The following FBXO46 variants were observed in gnomAD, a reference collection of about 807,000 sequenced individuals.
The protein encoded by FBXO46 is F-box only protein 46.
Under a neutral mutation model 30.7 loss-of-function variants are expected in FBXO46, and 13 were observed. The ratio of observed to expected loss-of-function variants is 0.42; its 90% CI spans 0.28 to 0.67. FBXO46 has a LOEUF of 0.67. Among genes scored for constraint, FBXO46 ranks in the 30% least tolerant of loss-of-function variants. The pLI is 0.21. For synonymous variants in FBXO46, 467 were observed against 385.8 expected, an observed-to-expected ratio of 1.21 and a Z score of -2.47; for missense variants, 754 against 871.5, an observed-to-expected ratio of 0.87 and a Z score of 1.70.
intron 1 of FBXO46, among the ~76,000 whole-genome samples, chr19:45,728,068 C>G (rs1446107428): frequency 1.3e-5 from 2 of 152,180 alleles, no homozygotes; most frequent in Non-Finnish European, 2.9e-5. Flanking sequence ...TCCTGAGTAG[C>G]TGGGACTACA....
chr19:45,712,292 G>T lies in FBXO46; in HGVS notation c.1204C>A (p.Pro402Thr). The T allele has an allele frequency of 6.2e-7, 1 of 1,602,602 alleles. No homozygotes were observed. The highest frequency in any genetic ancestry group is 8.5e-7 in the Non-Finnish European group (1 of 1,179,568). Residue 402 changes from proline (P) to threonine (T), a missense_variant, in exon 2 of 2, where the codon CCG becomes ACG. Physicochemically the swap from Pro to Thr is conservative, Grantham distance 38. Around this residue, in one of 5 missense-constraint regions of FBXO46, gnomAD observed 454 missense variants for 426.5 expected, o/e 1.06. Coordinates refer to ENST00000317683, the MANE Select transcript of FBXO46 (RefSeq NM_001080469.2). The surrounding 1 kb of genome is among the most constrained non-coding windows in gnomAD (Gnocchi z 8.8). ...TVCLTVSPEE[P>T]PPPGQLFFLQ... ...AAGAAGAGCTGGCCCGGAGGCGGCG[G>T]TTCCTCCGGGCTGACCGTCAGGCAC...
intron 1 of FBXO46, among the ~76,000 whole-genome samples, chr19:45,726,331 G>A (rs1388728902): frequency 6.6e-6 from 1 of 151,866 alleles, no homozygotes; most frequent in Non-Finnish European, 1.5e-5. Context: ...AGGAGACAGA[G>A]CAAGACTCCA....
upstream of FBXO46, among the ~76,000 whole-genome samples, chr19:45,733,018 G>A (rs1968347690): frequency 6.6e-6 from 1 of 152,084 alleles, no homozygotes; most frequent in Non-Finnish European, 1.5e-5. This position sits in a 1 kb window ranked among gnomAD's most constrained non-coding sequence, Gnocchi z 5.7. Context: ...ATCTAGCCTG[G>A]TGCTTGGCAC....
At chr19:45,723,894 A>G (rs941587050) in intron 1 of FBXO46, among the ~76,000 whole-genome samples, 6 of 152,064 alleles carry the variant, frequency 3.9e-5, no homozygotes, top group African/African-American at 9.7e-5. Context: ...TCCTGATCTC[A>G]GGAGTTCAAG....
chr19:45,721,330 C>T lies in FBXO46; in HGVS notation c.-78-7757G>A, dbSNP rs117512463. Among the ~76,000 whole-genome samples, 963 of 151,972 alleles carry T rather than the reference C, an allele frequency of 6.3e-3. 5 individuals are homozygous for T. The highest frequency in any genetic ancestry group is 0.024 in the South Asian group (115 of 4,816). On this transcript the variant is annotated intron_variant, in intron 1 of 1. Transcript: ENST00000317683. ...CTGCACTCCAGCCTGGGTGCCAAAG[C>T]GAGACCCTGGCTCAAAAACACCAAA...
At chr19:45,721,955 C>G (rs1968178483) in intron 1 of FBXO46, among the ~76,000 whole-genome samples, 1 of 152,098 alleles carries the variant, frequency 6.6e-6, no homozygotes, top group African/African-American at 2.4e-5. Flanking sequence ...TCCTGAGTAG[C>G]TGGGATTATA....
Position 45,712,989 on chromosome 19 carries a change from C to G in FBXO46, c.507G>C (p.Leu169=). 6.4e-7 allele frequency: 1 copy of G among 1,573,174 alleles called. No individual in the cohort carries two copies. The highest frequency in any genetic ancestry group is 1.7e-4 in the Middle Eastern group (1 of 5,744). ...GGGCCACCATCTCGGCCACAGAGAG[C>G]AGGTCCACGTCCTCACCGGCTGAGG... is the stretch of plus-strand genomic sequence containing the variant. ...GPASAGEDVD[L]LSVAEMVALV... The change falls in exon 2 of 2, where the codon CTG becomes CTC. Residue 169 remains leucine (L), a synonymous_variant. Transcript: ENST00000317683. This position sits in a 1 kb window ranked among gnomAD's most constrained non-coding sequence, Gnocchi z 8.8.
chr19:45,732,999 G>A (rs538658888), upstream of FBXO46, among the ~76,000 whole-genome samples: 2 of 152,256 alleles, frequency 1.3e-5, no homozygotes, highest in African/African-American at 4.8e-5. Flanking sequence ...CAGTGGCTAA[G>A]TTCCCACCAT....
In FBXO46 at chr19:45,712,203, C is replaced by A. The variant is rs963848925; in HGVS notation, c.1293G>T (p.Ala431=). 7.5e-6 allele frequency: 12 copies of A among 1,604,526 alleles called. No homozygotes were observed. Among genetic ancestry groups the A allele is most frequent in the Middle Eastern group, 1.7e-4 (1 of 6,048 alleles). The change falls in exon 2 of 2, where the codon GCG becomes GCT. Residue 431 remains alanine (A), a synonymous_variant. Transcript: ENST00000317683. The surrounding 1 kb of genome is among the most constrained non-coding windows in gnomAD (Gnocchi z 8.8). ...EPPPADSPAT[A]PGPDDAEGTA... ...TGCCCTCGGCATCGTCTGGGCCGGGCGCAGTGGCCGGGGAGTCGGCCGGGG... is the reference window on the plus strand; with the variant it reads ...TGCCCTCGGCATCGTCTGGGCCGGGAGCAGTGGCCGGGGAGTCGGCCGGGG...
rs1351007643 is a variant in FBXO46, at chr19:45,711,485, G to T, written c.*199C>A. 2 of 700,834 alleles carry T rather than the reference G, an allele frequency of 2.9e-6. No individual in the cohort carries two copies. Among genetic ancestry groups the T allele is most frequent in the Admixed American group, 2.0e-5 (1 of 49,904 alleles). 43.4% of individuals were successfully genotyped at this position (700,834 alleles called of 1,614,324 possible). A position where few individuals can be genotyped will look rare whatever the true frequency, so the allele number is the denominator to read the frequency against. Reference sequence around the variant, plus strand: ...CCTTCTCAGAGGGTCCACGGCCCTGGTTCTGAAGAGTAGAAAATCAACAGG... The same window carrying T: ...CCTTCTCAGAGGGTCCACGGCCCTGTTTCTGAAGAGTAGAAAATCAACAGG... On this transcript the variant is annotated 3_prime_UTR_variant, in exon 2 of 2. Transcript: ENST00000317683.
chr19:45,727,420 T>C (rs1968254267), intron 1 of FBXO46, among the ~76,000 whole-genome samples: 1 of 151,864 alleles, frequency 6.6e-6, no homozygotes, highest in African/African-American at 2.4e-5. Flanking sequence ...TAGCTGGGCG[T>C]GGTGACACAA....
chr19:45,711,103 T>C lies in FBXO46; in HGVS notation c.*581A>G, dbSNP rs1006870169. 2.7e-4 allele frequency: 96 copies of C among 356,458 alleles called. No individual in the cohort carries two copies. Among genetic ancestry groups the C allele is most frequent in the African/African-American group, 2.1e-3 (93 of 45,110 alleles). The allele number at this position is 356,458 out of a possible 1,614,324, so 22.1% of individuals were successfully genotyped here. A position where few individuals can be genotyped will look rare whatever the true frequency, so the allele number is the denominator to read the frequency against. ...TTGAGGTTAAGGAGAAAACAGTATT[T>C]CCCCCCCACTTCTTTAATAGGCAAA... On this transcript the variant is annotated 3_prime_UTR_variant, in exon 2 of 2. Transcript: ENST00000317683.
upstream of FBXO46, among the ~76,000 whole-genome samples, chr19:45,731,713 T>C (rs780736970): frequency 7.4e-4 from 113 of 152,020 alleles, no homozygotes; most frequent in Middle Eastern, 3.2e-3. Context: ...CATCATAGAA[T>C]AGCAGCTCCA....
At chr19:45,717,294 C>G (rs1405587151) in intron 1 of FBXO46, 1 of 152,206 alleles carries the variant, frequency 6.6e-6, no homozygotes, top group Non-Finnish European at 1.5e-5. Context: ...CGGGAGAAGG[C>G]TGCAGCCCAC....
chr19:45,725,593 G>C (rs949503101), intron 1 of FBXO46, among the ~76,000 whole-genome samples: 7 of 151,916 alleles, frequency 4.6e-5, no homozygotes, highest in African/African-American at 1.7e-4. Flanking sequence ...AATTAGCCGG[G>C]CATGGTGGTG....
At chr19:45,721,550 T>G (rs971702832) in intron 1 of FBXO46, among the ~76,000 whole-genome samples, 2 of 128,106 alleles carry the variant, frequency 1.6e-5, no homozygotes, top group Admixed American at 1.6e-4. Flanking sequence ...CCTGGTCCTG[T>G]TCCTTTTTTT....
intron 1 of FBXO46, among the ~76,000 whole-genome samples, chr19:45,724,521 T>C (rs909647302): frequency 5.3e-5 from 8 of 152,116 alleles, no homozygotes; most frequent in African/African-American, 1.7e-4. Flanking sequence ...CTATTAACAC[T>C]TGTGGGCTGG....
At chr19:45,726,948 C>T (rs138610901) in intron 1 of FBXO46, among the ~76,000 whole-genome samples, 6 of 152,076 alleles carry the variant, frequency 3.9e-5, no homozygotes, top group African/African-American at 1.2e-4. Flanking sequence ...TAAATGTGGT[C>T]CCATTTTTAC....
upstream of FBXO46, among the ~76,000 whole-genome samples, chr19:45,732,341 A>C (rs1188818001): frequency 6.6e-6 from 1 of 151,948 alleles, no homozygotes; most frequent in Non-Finnish European, 1.5e-5. Flanking sequence ...ACAGCCAAGA[A>C]AACGATTTGA....
Sources: allele counts gnomAD v4.1 joint callset (sites outside exome capture counted in the v4.1 genomes callset), GRCh38; gene constraint gnomAD v4.1.1; regional missense constraint gnomAD v4.1.1; non-coding constraint Gnocchi (gnomAD v3.1); transcripts MANE v1.5; gene names NCBI Gene and HGNC (gene_info 2026-07-23, HGNC 2026-07-21).